Variants in ORC5 observed in about 807,000 individuals in gnomAD.
The protein encoded by ORC5 is origin recognition complex subunit 5, also known as protein phosphatase 1, regulatory subunit 117.
ORC5 carries 39 observed loss-of-function variants against 58.8 expected under a neutral mutation model. That is an observed-to-expected ratio of 0.66 (90% CI 0.51 to 0.87). The LOEUF is 0.87. Ranked by LOEUF, ORC5 falls within the 40% of genes least tolerant of loss-of-function variation. The probability of loss-of-function intolerance (pLI) is 0.00; values close to 1 mark genes in which losing one functional copy is unlikely to be tolerated. For missense variants in ORC5, 493 were observed against 506.3 expected (o/e 0.97, Z 0.25); for synonymous variants, 218 against 177.6 (o/e 1.23, Z -1.81).
chr7:104,195,290 T>C lies in ORC5; in HGVS notation c.442-36A>G, dbSNP rs1353868064. The C allele has an allele frequency of 6.7e-6, 8 of 1,196,152 alleles. No homozygotes were observed. In the East Asian group the frequency reaches 2.1e-4, roughly 32 times the overall value. 74.1% of individuals were successfully genotyped at this position (1,196,152 alleles called of 1,614,324 possible). ...AAAGAAATAAAAGTAACTTCGCATTTAAAAATCTTAATCGGAGCAGTATTT... is the reference window on the plus strand; with the variant it reads ...AAAGAAATAAAAGTAACTTCGCATTCAAAAATCTTAATCGGAGCAGTATTT... On this transcript the variant is annotated intron_variant, in intron 4 of 13. Transcript: ENST00000297431.
At position 104,135,817 on chromosome 7, in the gene ORC5, T is replaced by A. The variant is rs1798578918; in HGVS notation, c.1262+964A>T. On this transcript the variant is annotated intron_variant, in intron 13 of 13. Transcript: ENST00000297431. ...TTAATTTTGAAATATATGTAAATAC[T>A]TTCATGACTAATTTTTAAAGGGTGC... Among the ~76,000 whole-genome samples, 3 of 152,138 alleles carry A rather than the reference T, an allele frequency of 2.0e-5. No homozygotes were observed. The South Asian group carries it at 6.2e-4, about 32-fold the overall frequency.
At position 104,166,884 on chromosome 7, in the gene ORC5, C is replaced by A; in HGVS notation, c.878G>T (p.Gly293Val). 1 of 1,554,506 alleles carries A rather than the reference C, an allele frequency of 6.4e-7. No homozygotes were observed. The highest frequency in any genetic ancestry group is 8.8e-7 in the Non-Finnish European group (1 of 1,130,532). Residue 293 changes from glycine to valine, a missense_variant and splice_region_variant, in exon 10 of 14, where the codon GGC (glycine) becomes GTC (valine). Physicochemically the swap from Gly to Val is moderately radical, Grantham distance 109. Coordinates refer to ENST00000297431, the MANE Select transcript of ORC5 (RefSeq NM_002553.4). ...KDDTDPGQLK[G>V]LSAHTHVELP... ...TTCCACATGAGTATGCGCTGAGAGG[C>A]CTATATAACAAAACACTTTGATGAA...
intron 8 of ORC5, 52 bp from the exon 9 acceptor site, chr7:104,168,577 T>C (rs1178816316): frequency 3.3e-6 from 4 of 1,223,754 alleles, no homozygotes; most frequent in Non-Finnish European, 4.6e-6. Context: ...AAAATCAATA[T>C]GGTGTACTTA....
intron 1 of ORC5, among the ~76,000 whole-genome samples, chr7:104,205,356 G>A (rs982110770): frequency 3.3e-5 from 5 of 151,866 alleles, no homozygotes; most frequent in African/African-American, 1.2e-4. Context: ...CCAAAGTGCT[G>A]GGATTACAGG....
At chr7:104,134,323 G>A (rs1798556256) in intron 13 of ORC5, among the ~76,000 whole-genome samples, 1 of 149,218 alleles carries the variant, frequency 6.7e-6, no homozygotes, top group Admixed American at 6.8e-5. Context: ...GCTGAAGCAG[G>A]AGAATCGCTT....
chr7:104,164,293 G>A (rs148089689), intron 11 of ORC5, among the ~76,000 whole-genome samples: 2,248 of 152,158 alleles, frequency 0.015, 58 homozygotes, highest in African/African-American at 0.051. Flanking sequence ...GCACAGTGGC[G>A]TGTGCCTGTA....
chr7:104,174,090 C>T (rs964992423), intron 8 of ORC5, among the ~76,000 whole-genome samples: 6 of 151,868 alleles, frequency 4.0e-5, no homozygotes, highest in Non-Finnish European at 8.8e-5. Context: ...GTGATCCGCC[C>T]GCCTCGGCCT....
chr7:104,175,921 T>C (rs74599666), intron 8 of ORC5, among the ~76,000 whole-genome samples: 1 of 152,080 alleles, frequency 6.6e-6, no homozygotes, highest in Non-Finnish European at 1.5e-5. Context: ...AATATAAACA[T>C]TGGAATGTGT....
chr7:104,130,341 A>G (rs932924552), intron 13 of ORC5, among the ~76,000 whole-genome samples: 4 of 152,110 alleles, frequency 2.6e-5, no homozygotes, highest in Non-Finnish European at 4.4e-5. Context: ...TATATCCTCT[A>G]TCTCTTCAAG....
intron 5 of ORC5, among the ~76,000 whole-genome samples, chr7:104,193,404 CA>C (rs1261501845): frequency 9.9e-5 from 15 of 151,772 alleles, no homozygotes; most frequent in Admixed American, 9.2e-4. Flanking sequence ...ATAACTAAAC[CA>C]AAAACCTAAT....
Position 104,138,042 on chromosome 7 carries a change from A to G in ORC5, c.1150-1149T>C, listed in dbSNP as rs194851. 0.56 allele frequency among the ~76,000 whole-genome samples: 85,215 copies of G among 152,062 alleles called. 25,785 individuals carry two copies. The highest frequency in any genetic ancestry group is 0.78 in the African/African-American group (32,167 of 41,498). On this transcript the variant is annotated intron_variant, in intron 12 of 13. Transcript: ENST00000297431. The surrounding 1 kb of genome is among the most constrained non-coding windows in gnomAD (Gnocchi z 4.7). ...ATTCATCCCTAGATGCGGCCGTGAG[A>G]TTGGAGCCCCACAACCTGCCCGTCT... is the stretch of plus-strand genomic sequence containing the variant.
chr7:104,202,062 C>T (rs1217103950), intron 2 of ORC5, among the ~76,000 whole-genome samples: 3 of 152,000 alleles, frequency 2.0e-5, no homozygotes, highest in Non-Finnish European at 4.4e-5. Context: ...TGCACTCCAA[C>T]CTGGGCAATA....
At chr7:104,153,124 C>T (rs192695155) in intron 12 of ORC5, among the ~76,000 whole-genome samples, 166 of 151,062 alleles carry the variant, frequency 1.1e-3, no homozygotes, top group African/African-American at 3.8e-3. Context: ...TTTTTAGTAT[C>T]CTTGGTAATA....
At chr7:104,174,454 G>A (rs1799280132) in intron 8 of ORC5, among the ~76,000 whole-genome samples, 1 of 152,168 alleles carries the variant, frequency 6.6e-6, no homozygotes, top group Non-Finnish European at 1.5e-5. Context: ...TACCTTTGGG[G>A]ATTCCAGCCA....
At position 104,166,759 on chromosome 7, in the gene ORC5, ATGT is replaced by A; in HGVS notation, c.990+10_990+12del. The stretch of plus-strand genomic sequence containing the variant: ...CTTAAAAAATAAAGTGAAAAGAAGT[ATGT>A]TATTATTACCTTAAGAAAAAACCTC... On this transcript the variant is annotated intron_variant, in intron 10 of 13. Transcript: ENST00000297431. 1 of 1,318,882 alleles carries A rather than the reference ATGT, an allele frequency of 7.6e-7. No homozygotes were observed. Among genetic ancestry groups the A allele is most frequent in the Non-Finnish European group, 1.1e-6 (1 of 924,920 alleles). 81.7% of individuals were successfully genotyped at this position (1,318,882 alleles called of 1,614,324 possible). A position where few individuals can be genotyped will look rare whatever the true frequency, so the allele number is the denominator to read the frequency against.
At chr7:104,175,166 A>G (rs1001017450) in intron 8 of ORC5, among the ~76,000 whole-genome samples, 4 of 152,188 alleles carry the variant, frequency 2.6e-5, no homozygotes, top group Non-Finnish European at 5.9e-5. Context: ...CTGGGAAGAA[A>G]AGAATTGAGG....
intron 8 of ORC5, among the ~76,000 whole-genome samples, chr7:104,172,760 A>G (rs1334511843): frequency 2.0e-5 from 3 of 152,236 alleles, no homozygotes; most frequent in South Asian, 2.1e-4. Context: ...CACATACGGC[A>G]GACAATGGCT....
chr7:104,136,992 TCA>T lies in ORC5; in HGVS notation c.1150-101_1150-100del. On this transcript the variant is annotated intron_variant, in intron 12 of 13. Transcript: ENST00000297431. The surrounding 1 kb of genome is among the most constrained non-coding windows in gnomAD (Gnocchi z 4.2). ...AGTCTGATAAAGATACATAACTGAA[TCA>T]CAAAAAACGTCTGCAAAGAAAATGA... 1 of 778,632 alleles carries T rather than the reference TCA, an allele frequency of 1.3e-6. No homozygotes were observed. The highest frequency in any genetic ancestry group is 1.8e-5 in the South Asian group (1 of 56,228). The allele number at this position is 778,632 out of a possible 1,614,324, so 48.2% of individuals were successfully genotyped here.
At chr7:104,140,129 C>T (rs1354437770) in intron 12 of ORC5, among the ~76,000 whole-genome samples, 2 of 151,970 alleles carry the variant, frequency 1.3e-5, no homozygotes, top group African/African-American at 2.4e-5. Flanking sequence ...TGTTACTTTT[C>T]ATGATTCTAC....
Sources: allele counts gnomAD v4.1 joint callset (sites outside exome capture counted in the v4.1 genomes callset), GRCh38; gene constraint gnomAD v4.1.1; non-coding constraint Gnocchi (gnomAD v3.1); transcripts MANE v1.5; gene names NCBI Gene and HGNC (gene_info 2026-07-23, HGNC 2026-07-21).